DIP2B: variants seen among roughly 807,000 people sequenced by gnomAD.
DIP2B encodes DIP2 acetate--CoA ligase B (putative).
In DIP2B, 76 loss-of-function variants were observed where a neutral mutation model predicts 198.0. The ratio of observed to expected loss-of-function variants is 0.38; its 90% CI spans 0.32 to 0.46. The LOEUF is 0.46. Among genes scored for constraint, DIP2B ranks in the 20% least tolerant of loss-of-function variants. The probability of loss-of-function intolerance (pLI) is 0.99; values close to 1 mark genes in which losing one functional copy is unlikely to be tolerated. For synonymous variants in DIP2B, 701 were observed against 739.1 expected (o/e 0.95, Z 0.84); for missense variants, 1,559 against 1,978.4 (o/e 0.79, Z 4.02).
At chr12:50,652,339 TATATAATACAC>T (rs1938470515) in intron 3 of DIP2B, among the ~76,000 whole-genome samples, 1 of 101,796 alleles carries the variant, frequency 9.8e-6, no homozygotes, top group Non-Finnish European at 1.9e-5. Context: ...ATATATAATA[TATATAATACAC>T]ACACACACAC....
At position 50,685,450 on chromosome 12, in the gene DIP2B, G is replaced by A. The variant is rs146858790; in HGVS notation, c.1318-383G>A. Among the ~76,000 whole-genome samples, 40 of 152,180 alleles carry A rather than the reference G, an allele frequency of 2.6e-4. 1 individual carries two copies. The East Asian group carries it at 7.5e-3, about 29-fold the overall frequency. On this transcript the variant is annotated intron_variant, in intron 10 of 37. Coordinates refer to ENST00000301180, the MANE Select transcript of DIP2B (RefSeq NM_173602.3). The stretch of plus-strand genomic sequence containing the variant: ...AGTATCCATTTACATTATTTATTTT[G>A]TTCATACCTGACTTGCTTTTCTCTC...
chr12:50,543,897 C>T (rs1250254605), intron 1 of DIP2B, among the ~76,000 whole-genome samples: 2 of 126,020 alleles, frequency 1.6e-5, no homozygotes, highest in East Asian at 5.0e-4. Flanking sequence ...GAACTCCAGT[C>T]TGGGCGACAG....
chr12:50,531,695 C>CG (rs1958218439), intron 1 of DIP2B, among the ~76,000 whole-genome samples: 1 of 152,014 alleles, frequency 6.6e-6, no homozygotes, highest in African/African-American at 2.4e-5. Context: ...TAGAGGCAGG[C>CG]GGGGTACCCT....
chr12:50,572,144 A>T (rs1958620536), intron 1 of DIP2B, among the ~76,000 whole-genome samples: 1 of 152,160 alleles, frequency 6.6e-6, no homozygotes, highest in South Asian at 2.1e-4. Context: ...GCACAACTTT[A>T]AAAAAATCAC....
Position 50,686,634 on chromosome 12 carries a change from C to T in DIP2B, c.1503C>T (p.Asp501=). The T allele has an allele frequency of 6.2e-7, 1 of 1,614,128 alleles. No individual in the cohort carries two copies. Among genetic ancestry groups the T allele is most frequent in the African/African-American group, 1.3e-5 (1 of 75,040 alleles). ...AGTACCTTTCAAAGCCACCGAAAGACTGGCAGCCACACATCTCACCTGCTG... is the reference window on the plus strand; with the variant it reads ...AGTACCTTTCAAAGCCACCGAAAGATTGGCAGCCACACATCTCACCTGCTG... ...DSKYLSKPPK[D]WQPHISPAGT... The change falls in exon 12 of 38, where the codon GAC becomes GAT. Residue 501 remains aspartate (D), a synonymous_variant. Transcript: ENST00000301180.
At chr12:50,730,308 A>G (rs934054561) in intron 30 of DIP2B, among the ~76,000 whole-genome samples, 1 of 151,436 alleles carries the variant, frequency 6.6e-6, no homozygotes, top group African/African-American at 2.4e-5. Context: ...CTACGATTTC[A>G]GTTGAATACT....
At chr12:50,649,390 T>A (rs1471467804) in intron 3 of DIP2B, among the ~76,000 whole-genome samples, 1 of 152,180 alleles carries the variant, frequency 6.6e-6, no homozygotes, top group Non-Finnish European at 1.5e-5. Context: ...GCACACAGAT[T>A]AGAAGGCAGA....
chr12:50,505,022 C>CGGCGGCGGCGGCGGCGGCGGTGCTGGT lies in DIP2B; in HGVS notation c.-117_-116insCGGCGGCGGCGGCGGCGGTGCTGGTGG, dbSNP rs1274636642. 7.0e-6 allele frequency: 7 copies of CGGCGGCGGCGGCGGCGGCGGTGCTGGT among 1,001,274 alleles called. No individual in the cohort carries two copies. Among genetic ancestry groups the CGGCGGCGGCGGCGGCGGCGGTGCTGGT allele is most frequent in the Middle Eastern group, 3.2e-4 (1 of 3,150 alleles). 62.0% of individuals were successfully genotyped at this position (1,001,274 alleles called of 1,614,324 possible). ...CTCATGGCGGCGGCGGCGGCGGCGG[C>CGGCGGCGGCGGCGGCGGCGGTGCTGGT]GGTGCTGGTGGTGCTCGGCGGCCGG... On this transcript the variant is annotated 5_prime_UTR_variant, in exon 1 of 38. Coordinates refer to ENST00000301180, the MANE Select transcript of DIP2B (RefSeq NM_173602.3).
intron 1 of DIP2B, among the ~76,000 whole-genome samples, chr12:50,528,771 G>A (rs1221279155): frequency 6.6e-6 from 1 of 152,186 alleles, no homozygotes; most frequent in Admixed American, 6.5e-5. Context: ...GCAAAGACAT[G>A]GCTGGAGGTT....
chr12:50,547,881 C>T (rs929358801), intron 1 of DIP2B, among the ~76,000 whole-genome samples: 5 of 151,974 alleles, frequency 3.3e-5, no homozygotes, highest in African/African-American at 1.2e-4. Context: ...CCAACTTGGG[C>T]AATGTAGTGA....
chr12:50,700,408 A>G (rs764971116), intron 19 of DIP2B, among the ~76,000 whole-genome samples: 6 of 152,218 alleles, frequency 3.9e-5, no homozygotes, highest in African/African-American at 1.4e-4. Context: ...CAGAGCTTAT[A>G]TAAGCACTCC....
intron 1 of DIP2B, among the ~76,000 whole-genome samples, chr12:50,573,677 A>G (rs1448886901): frequency 6.6e-6 from 1 of 152,224 alleles, no homozygotes; most frequent in African/African-American, 2.4e-5. Context: ...TCAAACAGAC[A>G]GAACCCAGAC....
At chr12:50,643,755 CAGGG>C (rs1266869545) in intron 3 of DIP2B, among the ~76,000 whole-genome samples, 4 of 152,048 alleles carry the variant, frequency 2.6e-5, no homozygotes, top group Non-Finnish European at 5.9e-5. Context: ...TCTCAGCACT[CAGGG>C]AGGCCGAGGC....
chr12:50,725,860 T>TG (rs1180992572), intron 28 of DIP2B, among the ~76,000 whole-genome samples: 3 of 149,446 alleles, frequency 2.0e-5, no homozygotes, highest in Non-Finnish European at 4.5e-5. Context: ...CTACCCTTTT[T>TG]TTTTTTTTTT....
chr12:50,656,020 G>C (rs1322748659), intron 3 of DIP2B, among the ~76,000 whole-genome samples: 1 of 152,114 alleles, frequency 6.6e-6, no homozygotes, highest in Non-Finnish European at 1.5e-5. Context: ...CCTGTGTATG[G>C]TAGGATTAAG....
intron 1 of DIP2B, among the ~76,000 whole-genome samples, chr12:50,611,996 C>T (rs1959036130): frequency 6.7e-6 from 1 of 150,200 alleles, no homozygotes; most frequent in African/African-American, 2.5e-5. Flanking sequence ...CCCAAGATCC[C>T]GCCTCTAAAA....
At chr12:50,653,179 G>A (rs143905430) in intron 3 of DIP2B, among the ~76,000 whole-genome samples, 3 of 151,900 alleles carry the variant, frequency 2.0e-5, no homozygotes, top group Non-Finnish European at 2.9e-5. Flanking sequence ...TTTAGTTACT[G>A]ATTCAATCTC....
In DIP2B at chr12:50,573,773, A is replaced by C. The variant is rs1958635339; in HGVS notation, c.101-52203A>C. ...TGTGTATTTTCCCTTCTTCAGACTAAAAATGTCACAGTGTGATGTATGCTG... is the reference window on the plus strand; with the variant it reads ...TGTGTATTTTCCCTTCTTCAGACTACAAATGTCACAGTGTGATGTATGCTG... On this transcript the variant is annotated intron_variant, in intron 1 of 37. Coordinates refer to ENST00000301180, the MANE Select transcript of DIP2B (RefSeq NM_173602.3). Among the ~76,000 whole-genome samples the C allele has an allele frequency of 2.6e-5, 4 of 152,198 alleles. No homozygotes were observed. In the South Asian group the frequency reaches 8.3e-4, roughly 32 times the overall value.
chr12:50,638,864 A>ATT (rs10632181), intron 2 of DIP2B, among the ~76,000 whole-genome samples: 1,656 of 147,466 alleles, frequency 0.011, 13 homozygotes, highest in East Asian at 0.017. Context: ...AGTGTTTCAG[A>ATT]TTTTTTTTTT....
Sources: allele counts gnomAD v4.1 joint callset (sites outside exome capture counted in the v4.1 genomes callset), GRCh38; gene constraint gnomAD v4.1.1; transcripts MANE v1.5; gene names NCBI Gene and HGNC (gene_info 2026-07-23, HGNC 2026-07-21).